RIMS2: variants seen among roughly 807,000 people sequenced by gnomAD.
RIMS2 encodes the protein regulating synaptic membrane exocytosis protein 2.
In RIMS2, 59 loss-of-function variants were observed where a neutral mutation model predicts 174.4. The observed-to-expected ratio is 0.34, with a 90% CI of 0.27 to 0.42. The LOEUF (loss-of-function observed/expected upper bound fraction) is 0.42. Ranked by LOEUF, RIMS2 falls within the 10% of genes least tolerant of loss-of-function variation. The pLI is 1.00. For missense variants in RIMS2, 1,620 were observed against 1,666.3 expected, an observed-to-expected ratio of 0.97 and a Z score of 0.48; for synonymous variants, 606 against 572.5, an observed-to-expected ratio of 1.06 and a Z score of -0.84.
At chr8:103,937,198 C>T (rs1247000288) in intron 13 of RIMS2, among the ~76,000 whole-genome samples, 1 of 152,076 alleles carries the variant, frequency 6.6e-6, no homozygotes, top group Non-Finnish European at 1.5e-5. Context: ...GAATGTATTT[C>T]AGCTGCTGCT....
chr8:103,823,099 AC>A (rs914607502), intron 3 of RIMS2, among the ~76,000 whole-genome samples: 42 of 151,876 alleles, frequency 2.8e-4, no homozygotes, highest in African/African-American at 9.9e-4. Context: ...TTTTTATACA[AC>A]GAAGAGATCT....
intron 1 of RIMS2, among the ~76,000 whole-genome samples, chr8:103,613,229 T>G (rs1446639943): frequency 6.6e-6 from 1 of 152,226 alleles, no homozygotes; most frequent in African/African-American, 2.4e-5. Flanking sequence ...TGTATTCTAC[T>G]GTGGCTAAGG....
chr8:103,745,132 A>G (rs2097796071), intron 2 of RIMS2, among the ~76,000 whole-genome samples: 1 of 152,112 alleles, frequency 6.6e-6, no homozygotes, highest in South Asian at 2.1e-4. Context: ...ATTCCAGAAC[A>G]TTTTCATCAC....
intron 1 of RIMS2, among the ~76,000 whole-genome samples, chr8:103,581,958 G>A (rs1284565338): frequency 6.6e-6 from 1 of 152,210 alleles, no homozygotes; most frequent in Non-Finnish European, 1.5e-5. Flanking sequence ...GGTGCAGCCA[G>A]GGGAATGTAA....
At chr8:103,869,193 CTTTT>C (rs758281100) in intron 3 of RIMS2, among the ~76,000 whole-genome samples, 1 of 131,200 alleles carries the variant, frequency 7.6e-6, no homozygotes, top group Admixed American at 7.8e-5. Flanking sequence ...ACCAGGAACA[CTTTT>C]TTTTTTTTTT....
At position 103,833,010 on chromosome 8, in the gene RIMS2, A is replaced by T. The variant is rs141322246; in HGVS notation, c.699-52288A>T. On this transcript the variant is annotated intron_variant, in intron 3 of 23. Transcript: ENST00000504942. Reference sequence around the variant, plus strand: ...GATAGACTTTTTCTTCAGCCTGGAGAACACCCTGTAATATTACTTGAAATG... The same window carrying T: ...GATAGACTTTTTCTTCAGCCTGGAGTACACCCTGTAATATTACTTGAAATG... Among the ~76,000 whole-genome samples the T allele has an allele frequency of 6.7e-3, 1,023 of 152,314 alleles. 7 individuals carry two copies. Among genetic ancestry groups the T allele is most frequent in the Non-Finnish European group, 0.01 (684 of 68,014 alleles).
At chr8:104,049,301 C>T (rs946174832) in intron 19 of RIMS2, among the ~76,000 whole-genome samples, 2 of 151,980 alleles carry the variant, frequency 1.3e-5, no homozygotes, top group African/African-American at 4.8e-5. Flanking sequence ...TGCCTGTAGT[C>T]CCAGCTACTC....
At chr8:104,101,731 T>C (rs1476276809) in intron 19 of RIMS2, among the ~76,000 whole-genome samples, 1 of 152,212 alleles carries the variant, frequency 6.6e-6, no homozygotes, top group Non-Finnish European at 1.5e-5. Flanking sequence ...GTTTTTCTAC[T>C]TCTATTTTAT....
In RIMS2 at chr8:104,123,217, A is replaced by G. The variant is rs1053611666; in HGVS notation, c.3334+108602A>G. On this transcript the variant is annotated intron_variant, in intron 19 of 23. Transcript: ENST00000504942. ...TATGGTATAATGCTAACTTTCACTC[A>G]GTATGTGTATATTTTTATTTTATTT... Among the ~76,000 whole-genome samples the G allele has an allele frequency of 1.3e-5, 2 of 152,024 alleles. 1 individual carries two copies. The highest frequency in any genetic ancestry group is 2.9e-5 in the Non-Finnish European group (2 of 67,914).
chr8:103,916,324 T>C (rs2076627102), intron 7 of RIMS2, 90 bp from the exon 11 acceptor site: 2 of 865,014 alleles, frequency 2.3e-6, no homozygotes, highest in Admixed American at 2.4e-5. Flanking sequence ...TTTTATCCTA[T>C]GGAGTTTATT....
rs114830214 is a variant in RIMS2 at position 104,148,393 on chromosome 8, A to G, written c.3335-96523A>G. Among the ~76,000 whole-genome samples, 1,288 of 152,278 alleles carry G rather than the reference A, an allele frequency of 8.5e-3. 20 individuals are homozygous for G. The highest frequency in any genetic ancestry group is 0.029 in the African/African-American group (1,207 of 41,550). On this transcript the variant is annotated intron_variant, in intron 19 of 23. Transcript: ENST00000504942. ...GCACCTTGTCTTTGACAGCAGAAAT[A>G]AAATCATAAATCTGATTTTGCATAT...
At chr8:103,631,357 A>G (rs951773856) in intron 1 of RIMS2, among the ~76,000 whole-genome samples, 3 of 152,250 alleles carry the variant, frequency 2.0e-5, no homozygotes, top group African/African-American at 7.2e-5. Flanking sequence ...ATGGCTAGCC[A>G]GTTAACCCAG....
At chr8:104,199,915 G>T (rs1442478118) in intron 19 of RIMS2, among the ~76,000 whole-genome samples, 1 of 152,144 alleles carries the variant, frequency 6.6e-6, no homozygotes, top group Non-Finnish European at 1.5e-5. Context: ...GGAATATGAT[G>T]AACCTGGGTC....
intron 1 of RIMS2, among the ~76,000 whole-genome samples, chr8:103,590,004 G>A (rs907800997): frequency 1.3e-5 from 2 of 151,138 alleles, no homozygotes; most frequent in Non-Finnish European, 3.0e-5. Flanking sequence ...TAATGAATAA[G>A]ATCTACTATT....
At position 104,019,180 on chromosome 8, in the gene RIMS2, A is replaced by G. The variant is rs898785477; in HGVS notation, c.3334+4565A>G. Among the ~76,000 whole-genome samples the G allele has an allele frequency of 1.6e-4, 25 of 152,174 alleles. 1 individual carries two copies. Among genetic ancestry groups the G allele is most frequent in the Admixed American group, 1.3e-3 (20 of 15,274 alleles). On this transcript the variant is annotated intron_variant, in intron 19 of 23. Transcript: ENST00000504942. ...ATCACTACACTCCAGCCTGGGCAGCAGAGCGAGACTGTGTCTCAAAAAAGT... is the reference window on the plus strand; with the variant it reads ...ATCACTACACTCCAGCCTGGGCAGCGGAGCGAGACTGTGTCTCAAAAAAGT...
intron 19 of RIMS2, among the ~76,000 whole-genome samples, chr8:104,174,000 G>A (rs1309848817): frequency 2.0e-5 from 3 of 151,628 alleles, no homozygotes; most frequent in Non-Finnish European, 2.9e-5. Flanking sequence ...AGGCTGGAGA[G>A]CAATGGCATG....
intron 19 of RIMS2, among the ~76,000 whole-genome samples, chr8:104,182,230 A>G (rs1586735936): frequency 1.3e-5 from 2 of 151,842 alleles, no homozygotes; most frequent in Non-Finnish European, 2.9e-5. Flanking sequence ...TCCAAATAAT[A>G]TTATGACACA....
intron 1 of RIMS2, among the ~76,000 whole-genome samples, chr8:103,508,953 A>G (rs946808984): frequency 2.6e-5 from 4 of 152,064 alleles, no homozygotes; most frequent in African/African-American, 9.7e-5. Context: ...ATCTGCCTGT[A>G]TCTGCTTATC....
intron 3 of RIMS2, among the ~76,000 whole-genome samples, chr8:103,876,435 C>T (rs537558424): frequency 3.3e-5 from 5 of 151,452 alleles, no homozygotes; most frequent in African/African-American, 1.2e-4. Flanking sequence ...GAAGTAGGGT[C>T]GTCTGATTTT....
Sources: allele counts gnomAD v4.1 joint callset (sites outside exome capture counted in the v4.1 genomes callset), GRCh38; gene constraint gnomAD v4.1.1; transcripts MANE v1.5; gene names NCBI Gene and HGNC (gene_info 2026-07-23, HGNC 2026-07-21).